THBS4: variants seen among roughly 807,000 people sequenced by gnomAD.
The protein encoded by THBS4 is thrombospondin-4.
Under a neutral mutation model 115.7 loss-of-function variants are expected in THBS4, and 90 were observed. The observed-to-expected ratio is 0.78, with a 90% CI of 0.66 to 0.93. THBS4 has a LOEUF of 0.93. Ranked by LOEUF, THBS4 falls within the 40% of genes least tolerant of loss-of-function variation. The probability of loss-of-function intolerance (pLI) is 0.00; values close to 1 mark genes in which losing one functional copy is unlikely to be tolerated. For synonymous variants in THBS4, 460 were observed against 479.3 expected, an observed-to-expected ratio of 0.96 and a Z score of 0.53; for missense variants, 1,087 against 1,232.7, an observed-to-expected ratio of 0.88 and a Z score of 1.77.
intron 15 of THBS4, among the ~76,000 whole-genome samples, chr5:80,073,573 A>G (rs927999568): frequency 7.2e-5 from 11 of 152,030 alleles, no homozygotes; most frequent in Admixed American, 7.2e-4. Flanking sequence ...TTCAGTAGAG[A>G]CGGGGTTTCA....
chr5:80,059,488 TGC>T lies in THBS4; in HGVS notation c.783_784del (p.Cys261TrpfsTer30). ...LRNTIAECQA[C>X]GPLKFQSPTP... ...AAACACCATAGCTGAATGCCAGGCTTGCGGTAAGTGCTTTTCTAGTAATGGGC... is the reference window on the plus strand; with the variant it reads ...AAACACCATAGCTGAATGCCAGGCTTGGTAAGTGCTTTTCTAGTAATGGGC... On this transcript the variant is annotated frameshift_variant and splice_region_variant, in exon 6 of 22. Coordinates refer to ENST00000350881, the MANE Select transcript of THBS4 (RefSeq NM_003248.6). LOFTEE classifies it high-confidence loss of function. 6.2e-7 allele frequency: 1 copy of T among 1,614,108 alleles called. No individual in the cohort carries two copies. Among genetic ancestry groups the T allele is most frequent in the South Asian group, 1.1e-5 (1 of 91,082 alleles).
At chr5:80,023,210 G>A (rs1832412262) in intron 2 of THBS4, among the ~76,000 whole-genome samples, 1 of 152,194 alleles carries the variant, frequency 6.6e-6, no homozygotes, top group Non-Finnish European at 1.5e-5. Flanking sequence ...CTGAGACCTT[G>A]TTTGGCCTGA....
chr5:80,057,481 A>G (rs1833469861), intron 3 of THBS4, among the ~76,000 whole-genome samples: 1 of 152,212 alleles, frequency 6.6e-6, no homozygotes, highest in Non-Finnish European at 1.5e-5. Context: ...TGTCCAATAC[A>G]ATATGTGTTA....
At chr5:80,012,608 G>T (rs1045920931) in intron 2 of THBS4, among the ~76,000 whole-genome samples, 2 of 151,960 alleles carry the variant, frequency 1.3e-5, no homozygotes, top group African/African-American at 4.8e-5. Flanking sequence ...CAAGACTCAG[G>T]GCTTCTCACT....
upstream of THBS4, among the ~76,000 whole-genome samples, chr5:80,031,394 T>C (rs79387116): frequency 2.3e-3 from 349 of 152,294 alleles, 9 homozygotes; most frequent in East Asian, 0.062. Flanking sequence ...ACATCAAAAA[T>C]TAAGTCATAC....
chr5:80,041,086 C>T (rs2112034357), intron 2 of THBS4, among the ~76,000 whole-genome samples: 1 of 152,358 alleles, frequency 6.6e-6, no homozygotes, highest in South Asian at 2.1e-4. Flanking sequence ...AACACCGCCA[C>T]ATTGGGGACC....
chr5:79,991,520 G>A, intron 1 of THBS4: 1 of 330,154 alleles, frequency 3.0e-6, no homozygotes, highest in Non-Finnish European at 5.4e-6. Flanking sequence ...TCTGTGTGAT[G>A]CCTAAATTAA....
chr5:80,033,405 G>A (rs1832623749), upstream of THBS4: 3 of 159,342 alleles, frequency 1.9e-5, no homozygotes. Flanking sequence ...TCAAACAGAA[G>A]AGTGAGGCAA....
At chr5:80,013,353 G>C (rs990709103) in intron 2 of THBS4, among the ~76,000 whole-genome samples, 1 of 150,960 alleles carries the variant, frequency 6.6e-6, no homozygotes, top group Admixed American at 6.6e-5. Flanking sequence ...TGGTCAGGCT[G>C]GTCTCGAACT....
intron 1 of THBS4, among the ~76,000 whole-genome samples, chr5:79,995,972 T>TA (rs34667223): frequency 0.59 from 84,603 of 142,996 alleles, 24,787 homozygotes; most frequent in South Asian, 0.65. Context: ...CAATCTCTAC[T>TA]AAAAAAAAAA....
intron 10 of THBS4, among the ~76,000 whole-genome samples, chr5:80,068,362 G>T (rs930361300): frequency 6.6e-6 from 1 of 152,146 alleles, no homozygotes; most frequent in Non-Finnish European, 1.5e-5. Context: ...CTGTCCACTT[G>T]GGTACCTGGA....
intron 2 of THBS4, among the ~76,000 whole-genome samples, chr5:80,047,321 C>A (rs1833101139): frequency 6.6e-6 from 1 of 152,158 alleles, no homozygotes; most frequent in African/African-American, 2.4e-5. Context: ...ACTGTCAAGT[C>A]AAAGATTACC....
chr5:80,025,193 C>G (rs1172694156), intron 2 of THBS4, among the ~76,000 whole-genome samples: 1 of 152,124 alleles, frequency 6.6e-6, no homozygotes, highest in Admixed American at 6.6e-5. Flanking sequence ...ACTTACCATA[C>G]TCTTCCACAG....
At chr5:80,077,163 G>T (rs1162090024) in intron 16 of THBS4, 115 bp downstream of exon 16, 2 of 1,001,728 alleles carry the variant, frequency 2.0e-6, no homozygotes, top group Non-Finnish European at 2.9e-6. Flanking sequence ...CCCATCAGCT[G>T]CTTCTCTACA....
intron 2 of THBS4, among the ~76,000 whole-genome samples, chr5:80,027,786 T>A (rs929546930): frequency 6.7e-6 from 1 of 149,250 alleles, no homozygotes; most frequent in African/African-American, 2.5e-5. Context: ...TAATCCCAGC[T>A]ACTTGGGAGG....
intron 1 of THBS4, among the ~76,000 whole-genome samples, chr5:79,991,703 T>C (rs530252796): frequency 6.8e-4 from 104 of 152,244 alleles, no homozygotes; most frequent in Non-Finnish European, 1.4e-3. Flanking sequence ...TCATGTTCAC[T>C]GGCACAACCC....
intron 2 of THBS4, among the ~76,000 whole-genome samples, chr5:80,016,215 A>G (rs920182693): frequency 3.3e-5 from 5 of 152,148 alleles, no homozygotes; most frequent in African/African-American, 1.2e-4. Context: ...ATCAAGACAG[A>G]TTAAAGTGAA....
At chr5:80,002,543 C>T (rs1321557225) in intron 2 of THBS4, among the ~76,000 whole-genome samples, 3 of 151,834 alleles carry the variant, frequency 2.0e-5, no homozygotes, top group East Asian at 3.9e-4. Flanking sequence ...CTAATGTGAA[C>T]GATGTTCATG....
At chr5:79,993,779 C>T (rs1355860622) in intron 1 of THBS4, among the ~76,000 whole-genome samples, 2 of 152,106 alleles carry the variant, frequency 1.3e-5, no homozygotes, top group South Asian at 4.1e-4. Context: ...GATTAAGAAT[C>T]TGGGAAATGG....
Sources: gnomAD v4.1 joint callset for allele counts (sites outside exome capture counted in the v4.1 genomes callset) on GRCh38, gnomAD v4.1.1 for gene constraint, MANE v1.5 for transcripts, NCBI Gene and HGNC (gene_info 2026-07-23, HGNC 2026-07-21) for gene names.